The following ZNF804A variants were observed in gnomAD, a reference collection of about 807,000 sequenced individuals.
The protein encoded by ZNF804A is zinc finger protein 804A.
In ZNF804A, 2 loss-of-function variants were observed where a neutral mutation model predicts 16.5. The ratio of observed to expected loss-of-function variants is 0.12; its 90% confidence interval spans 0.05 to 0.38. ZNF804A has a LOEUF of 0.38. ZNF804A is among the 10% of genes least tolerant of loss of function. The pLI is 0.99. For synonymous variants in ZNF804A, 534 were observed against 489.6 expected (o/e 1.09, Z -1.20); for missense variants, 1,473 against 1,390.7 (o/e 1.06, Z -0.94).
chr2:184,640,862 T>A (rs1691785387), intron 1 of ZNF804A, among the ~76,000 whole-genome samples: 1 of 152,200 alleles, frequency 6.6e-6, no homozygotes, highest in African/African-American at 2.4e-5. Context: ...ACAATTTACA[T>A]CGTACTTTAA....
intron 1 of ZNF804A, among the ~76,000 whole-genome samples, chr2:184,672,845 A>G (rs1244237368): frequency 6.6e-6 from 1 of 151,926 alleles, no homozygotes; most frequent in African/African-American, 2.4e-5. Context: ...AGGTTCAAGC[A>G]ATTCTCCTGC....
chr2:184,829,404 T>C (rs972849766), intron 1 of ZNF804A, among the ~76,000 whole-genome samples: 11 of 151,972 alleles, frequency 7.2e-5, no homozygotes, highest in African/African-American at 2.7e-4. Flanking sequence ...ACCTGGCCAT[T>C]GTCATTTTAA....
At chr2:184,684,360 A>G (rs1218869501) in intron 1 of ZNF804A, among the ~76,000 whole-genome samples, 1 of 152,218 alleles carries the variant, frequency 6.6e-6, no homozygotes, top group Non-Finnish European at 1.5e-5. Flanking sequence ...TTCTCTGTTA[A>G]TAACTACCCA....
intron 1 of ZNF804A, among the ~76,000 whole-genome samples, chr2:184,793,097 A>T (rs1443949431): frequency 6.6e-6 from 1 of 152,142 alleles, no homozygotes. Context: ...TGCAAAGATC[A>T]TGATTCCCTT....
Position 184,935,843 on chromosome 2 carries a change from T to C in ZNF804A, c.447T>C (p.Asn149=). The change falls in exon 4 of 4, where the codon AAT becomes AAC. Residue 149 remains asparagine (N), a synonymous_variant. Coordinates refer to ENST00000302277, the MANE Select transcript of ZNF804A (RefSeq NM_194250.2). ...STTVTVRENC[N]EISQRVVVDS... ...CTGTTACTGTGAGAGAAAACTGTAA[T>C]GAAATTTCCCAACGAGTTGTTGTGG... is the stretch of plus-strand genomic sequence containing the variant. 6.2e-7 allele frequency: 1 copy of C among 1,613,660 alleles called. No homozygotes were observed. Among genetic ancestry groups the C allele is most frequent in the Non-Finnish European group, 8.5e-7 (1 of 1,179,798 alleles).
rs71011052 is a variant in ZNF804A at position 184,636,549 on chromosome 2, CTGTGTGTGTGTGTGTG to C, written c.111+37505_111+37520del. ...AAAGCATGTGAGATTGGCTCTAGGG[CTGTGTGTGTGTGTGTG>C]TGTGTGTGTGTGTGTGTGTGTGTGT... is the stretch of plus-strand genomic sequence containing the variant. On this transcript the variant is annotated intron_variant, in intron 1 of 3. Coordinates refer to ENST00000302277, the MANE Select transcript of ZNF804A (RefSeq NM_194250.2). Among the ~76,000 whole-genome samples the C allele has an allele frequency of 9.3e-3, 1,290 of 138,610 alleles. 21 individuals carry two copies. Among genetic ancestry groups the C allele is most frequent in the African/African-American group, 0.033 (1,227 of 37,228 alleles). 90.9% of individuals were successfully genotyped at this position (138,610 alleles called of 152,430 possible). A position where few individuals can be genotyped will look rare whatever the true frequency, so the allele number is the denominator to read the frequency against.
intron 1 of ZNF804A, among the ~76,000 whole-genome samples, chr2:184,828,707 C>T (rs1271387096): frequency 6.6e-6 from 1 of 151,720 alleles, no homozygotes; most frequent in Non-Finnish European, 1.5e-5. Context: ...GAAAATTAGG[C>T]CCATTCTACA....
intron 1 of ZNF804A, among the ~76,000 whole-genome samples, chr2:184,733,711 T>C (rs1693561151): frequency 6.6e-6 from 1 of 152,188 alleles, no homozygotes; most frequent in African/African-American, 2.4e-5. Context: ...GATGGAAGCT[T>C]ATTTAGATGG....
At chr2:184,900,690 G>T (rs187234285) in intron 2 of ZNF804A, among the ~76,000 whole-genome samples, 5 of 152,300 alleles carry the variant, frequency 3.3e-5, no homozygotes, top group Admixed American at 2.6e-4. Flanking sequence ...GTTAGCCAGA[G>T]AAGACTGGGA....
Position 184,726,067 on chromosome 2 carries a change from C to T in ZNF804A, c.111+126997C>T, listed in dbSNP as rs116676500. 1.6e-3 allele frequency among the ~76,000 whole-genome samples: 237 copies of T among 151,790 alleles called. 1 individual carries two copies. The highest frequency in any genetic ancestry group is 5.5e-3 in the African/African-American group (227 of 41,520). The stretch of plus-strand genomic sequence containing the variant: ...CATTTTGGTTGTTTCCAGTTTGGGG[C>T]TACTGCAAATGAAACGGCTATGAAC... On this transcript the variant is annotated intron_variant, in intron 1 of 3. Coordinates refer to ENST00000302277, the MANE Select transcript of ZNF804A (RefSeq NM_194250.2).
chr2:184,729,489 TTCAG>T (rs940094572), intron 1 of ZNF804A, among the ~76,000 whole-genome samples: 17 of 152,146 alleles, frequency 1.1e-4, no homozygotes, highest in South Asian at 4.1e-4. Context: ...GTTGGTTCAG[TTCAG>T]TCAGATTCTT....
chr2:184,656,683 C>T (rs762921815), intron 1 of ZNF804A, among the ~76,000 whole-genome samples: 5 of 151,460 alleles, frequency 3.3e-5, no homozygotes, highest in African/African-American at 1.2e-4. Context: ...TGTATATATA[C>T]ATATATACAC....
intron 2 of ZNF804A, among the ~76,000 whole-genome samples, chr2:184,927,241 A>T (rs1444007748): frequency 6.6e-6 from 1 of 152,242 alleles, no homozygotes; most frequent in Non-Finnish European, 1.5e-5. Flanking sequence ...TGGCTCTTGT[A>T]GATTCAGAGA....
intron 1 of ZNF804A, among the ~76,000 whole-genome samples, chr2:184,787,788 C>G (rs942191001): frequency 6.6e-6 from 1 of 150,520 alleles, no homozygotes; most frequent in African/African-American, 2.4e-5. Context: ...AATATTTTCT[C>G]CCATTCTGTA....
At chr2:184,677,976 C>G (rs1467648641) in intron 1 of ZNF804A, among the ~76,000 whole-genome samples, 1 of 151,926 alleles carries the variant, frequency 6.6e-6, no homozygotes, top group Non-Finnish European at 1.5e-5. Context: ...CTGGTTTTAA[C>G]CCAGTGGTTA....
rs764283548 is a variant in ZNF804A, at chr2:184,866,394, T to A, written c.137T>A (p.Ile46Lys). 1.2e-6 allele frequency: 2 copies of A among 1,613,092 alleles called. No homozygotes were observed. Among genetic ancestry groups the A allele is most frequent in the Admixed American group, 1.7e-5 (1 of 59,944 alleles). Residue 46 changes from isoleucine to lysine, a missense_variant, in exon 2 of 4, where the codon ATA (isoleucine) becomes AAA (lysine). Ile to Lys is a moderately radical substitution (Grantham distance 102). Coordinates refer to ENST00000302277, the MANE Select transcript of ZNF804A (RefSeq NM_194250.2). ...GACTATGCTGAGAAGGAAAATACCA[T>A]AGCAAAAGCTCTGGAAGATCTGAAG... ...TLDYAEKENT[I>K]AKALEDLKAN...
intron 1 of ZNF804A, among the ~76,000 whole-genome samples, chr2:184,669,575 A>G (rs1692309558): frequency 6.6e-6 from 1 of 152,088 alleles, no homozygotes; most frequent in South Asian, 2.1e-4. Context: ...CACTACCCAC[A>G]TGAAATGTTG....
At chr2:184,878,767 C>T (rs1211927750) in intron 2 of ZNF804A, among the ~76,000 whole-genome samples, 1 of 151,906 alleles carries the variant, frequency 6.6e-6, no homozygotes, top group Non-Finnish European at 1.5e-5. Context: ...ATTTTTCACC[C>T]AATATGGTTA....
rs751389469 is a variant in ZNF804A, at chr2:184,938,723, T to TGCTGCA, written c.3342_3347dup (p.Ala1118_Ala1119dup). ...CTGTTTTGCAGCAGCACGCTGCAGC[T>TGCTGCA]GCTGCAGCTGCAGCTGCAGCCGCAG... On this transcript the variant is annotated inframe_insertion, in exon 4 of 4. Transcript: ENST00000302277. 18 of 1,607,842 alleles carry TGCTGCA rather than the reference T, an allele frequency of 1.1e-5. No individual in the cohort carries two copies. Among genetic ancestry groups the TGCTGCA allele is most frequent in the South Asian group, 4.4e-5 (4 of 90,930 alleles).
Sources: allele counts gnomAD v4.1 joint callset (sites outside exome capture counted in the v4.1 genomes callset), GRCh38; gene constraint gnomAD v4.1.1; transcripts MANE v1.5; gene names NCBI Gene and HGNC (gene_info 2026-07-23, HGNC 2026-07-21).